Variants in PATJ observed in about 807,000 individuals in gnomAD.
PATJ encodes PATJ crumbs cell polarity complex component.
PATJ carries 190 observed loss-of-function variants against 224.9 expected under a neutral mutation model. The ratio of observed to expected loss-of-function variants is 0.84; its 90% CI spans 0.75 to 0.95. PATJ has a LOEUF of 0.95. Ranked by LOEUF, PATJ falls within the 40% of genes least tolerant of loss-of-function variation. The probability of loss-of-function intolerance (pLI) is 0.00; values close to 1 mark genes in which losing one functional copy is unlikely to be tolerated. For missense variants in PATJ, 2,121 were observed against 2,270.3 expected, an observed-to-expected ratio of 0.93 and a Z score of 1.34; for synonymous variants, 769 against 820.3, an observed-to-expected ratio of 0.94 and a Z score of 1.07.
At chr1:61,796,115 A>G (rs553856504) in intron 10 of PATJ, among the ~76,000 whole-genome samples, 1 of 152,352 alleles carries the variant, frequency 6.6e-6, no homozygotes, top group African/African-American at 2.4e-5. Flanking sequence ...ATTGCTTAAC[A>G]TAGAAACAAA....
chr1:61,966,852 A>G (rs966289356), intron 27 of PATJ, among the ~76,000 whole-genome samples: 5 of 152,140 alleles, frequency 3.3e-5, no homozygotes, highest in African/African-American at 1.2e-4. Context: ...TCCTGATGTT[A>G]CCGTGGCATT....
At chr1:61,796,601 G>T (rs961005590) in intron 10 of PATJ, among the ~76,000 whole-genome samples, 1 of 152,040 alleles carries the variant, frequency 6.6e-6, no homozygotes, top group South Asian at 2.1e-4. Flanking sequence ...AAGTTTCTCA[G>T]CATGTTTTAC....
At chr1:61,852,119 TAAAAAAAA>T (rs3030913) in intron 17 of PATJ, among the ~76,000 whole-genome samples, 1 of 108,926 alleles carries the variant, frequency 9.2e-6, no homozygotes, top group Non-Finnish European at 1.8e-5. Flanking sequence ...GATTCTGTCT[TAAAAAAAA>T]AAAAAAAAAA....
intron 1 of PATJ, among the ~76,000 whole-genome samples, chr1:61,761,641 TAAC>T (rs1413589264): frequency 6.6e-6 from 1 of 151,920 alleles, no homozygotes. Flanking sequence ...GGGAAAAACT[TAAC>T]AAGGCCTGTT....
intron 30 of PATJ, among the ~76,000 whole-genome samples, chr1:62,040,795 T>C (rs1487045018): frequency 6.9e-6 from 1 of 145,130 alleles, no homozygotes; most frequent in Non-Finnish European, 1.6e-5. Context: ...TGAGGTGACC[T>C]GATACATAGT....
chr1:62,024,657 AACACACACAC>A (rs10605703), intron 29 of PATJ, among the ~76,000 whole-genome samples: 7,173 of 107,534 alleles, frequency 0.067, 320 homozygotes, highest in East Asian at 0.16. Flanking sequence ...CCCACCTCCC[AACACACACAC>A]ACACACACAC....
chr1:61,998,312 G>A (rs1460084998), intron 28 of PATJ, among the ~76,000 whole-genome samples: 2 of 151,718 alleles, frequency 1.3e-5, no homozygotes, highest in Non-Finnish European at 2.9e-5. Flanking sequence ...TCGAACTCCT[G>A]ACCTTAAGTG....
intron 1 of PATJ, among the ~76,000 whole-genome samples, chr1:61,759,711 T>C (rs1645856545): frequency 6.6e-6 from 1 of 152,172 alleles, no homozygotes; most frequent in South Asian, 2.1e-4. Context: ...CCCGGGCTGA[T>C]CGCTTTTGAT....
At chr1:62,117,264 C>A in intron 37 of PATJ, 46 bp downstream of exon 37, 3 of 1,611,636 alleles carry the variant, frequency 1.9e-6, no homozygotes, top group Non-Finnish European at 2.5e-6. Flanking sequence ...TCTGCCCCCA[C>A]TGGGAGAAAG....
At chr1:62,118,618 ATCT>A (rs1664709281) in intron 37 of PATJ, among the ~76,000 whole-genome samples, 1 of 150,366 alleles carries the variant, frequency 6.7e-6, no homozygotes, top group Non-Finnish European at 1.5e-5. Context: ...GTATGTGAGC[ATCT>A]TCTTATTTAT....
intron 28 of PATJ, 64 bp from the exon 29 acceptor site, chr1:62,017,792 C>A: frequency 5.4e-6 from 4 of 741,058 alleles, no homozygotes; most frequent in South Asian, 1.9e-5. Context: ...CATTTAATTC[C>A]AAGTATATAC....
chr1:61,794,487 A>T (rs182310407), intron 9 of PATJ, among the ~76,000 whole-genome samples: 1 of 152,260 alleles, frequency 6.6e-6, no homozygotes, highest in Admixed American at 6.5e-5. Context: ...AAAATGTAAA[A>T]TCATGCAGAT....
chr1:61,871,578 T>G (rs1160592283), intron 20 of PATJ, among the ~76,000 whole-genome samples: 1 of 84,944 alleles, frequency 1.2e-5, no homozygotes, highest in Non-Finnish European at 2.2e-5. Flanking sequence ...TTTTTTTTTT[T>G]TTGAGATGGA....
intron 7 of PATJ, among the ~76,000 whole-genome samples, chr1:61,777,287 G>A (rs1646967487): frequency 1.3e-5 from 2 of 152,110 alleles, no homozygotes; most frequent in South Asian, 4.1e-4. Flanking sequence ...TTCTAAGGCT[G>A]GGCGTGGTGG....
At chr1:61,826,280 G>T (rs115866026) in intron 15 of PATJ, among the ~76,000 whole-genome samples, 4,226 of 152,304 alleles carry the variant, frequency 0.028, 95 homozygotes, top group Middle Eastern at 0.065. Flanking sequence ...GCAACCCAGT[G>T]TCCTCTTCCT....
chr1:61,873,920 G>C (rs1667001251), intron 20 of PATJ, among the ~76,000 whole-genome samples: 1 of 152,260 alleles, frequency 6.6e-6, no homozygotes, highest in South Asian at 2.1e-4. Flanking sequence ...ATTCAATTTG[G>C]GATGTGAAAA....
intron 43 of PATJ, among the ~76,000 whole-genome samples, chr1:62,157,336 T>A (rs17123147): frequency 0.012 from 1,771 of 147,396 alleles, 107 homozygotes; most frequent in South Asian, 0.094. Context: ...AAAAAAAAGT[T>A]ATCTTGCTCA....
chr1:62,148,410 AG>A lies in PATJ; in HGVS notation c.5378+23del. 6.5e-7 allele frequency: 1 copy of A among 1,544,452 alleles called. No individual in the cohort carries two copies. Among genetic ancestry groups the A allele is most frequent in the Non-Finnish European group, 9.0e-7 (1 of 1,116,338 alleles). ...CACAGAGTGAGTATTTCAGATGCAG[AG>A]GGCCTATTATGCATGTGGGCAAAGC... On this transcript the variant is annotated intron_variant, in intron 42 of 43. Coordinates refer to ENST00000642238, the MANE Select transcript of PATJ (RefSeq NM_001350145.3).
chr1:61,875,852 A>G (rs993803126), intron 21 of PATJ, among the ~76,000 whole-genome samples: 2 of 152,174 alleles, frequency 1.3e-5, no homozygotes, highest in South Asian at 4.1e-4. Context: ...TTCTAAAAGT[A>G]TAGTGCCTCT....
Sources: gnomAD v4.1 joint callset for allele counts (sites outside exome capture counted in the v4.1 genomes callset) on GRCh38, gnomAD v4.1.1 for gene constraint, MANE v1.5 for transcripts, NCBI Gene and HGNC (gene_info 2026-07-23, HGNC 2026-07-21) for gene names.